MUC5AC: variants seen among roughly 807,000 people sequenced by gnomAD.
MUC5AC encodes mucin-5AC.
Under a neutral mutation model 169.7 loss-of-function variants are expected in MUC5AC, and 158 were observed. The ratio of observed to expected loss-of-function variants is 0.93; its 90% CI spans 0.82 to 1.06. The LOEUF is 1.06. MUC5AC is among the 50% of genes least tolerant of loss of function. The probability of loss-of-function intolerance (pLI) is 0.00; values close to 1 mark genes in which losing one functional copy is unlikely to be tolerated. For missense variants in MUC5AC, 4,359 were observed against 3,089.9 expected, an observed-to-expected ratio of 1.41 and a Z score of -9.74; for synonymous variants, 1,975 against 1,237.0, an observed-to-expected ratio of 1.60 and a Z score of -12.52.
Position 1,187,926 on chromosome 11 carries a change from C to T in MUC5AC, c.9781C>T (p.Arg3261Cys), listed in dbSNP as rs1554928394. ...CATCAGGAGTGGGGAAAAAATCTGC[C>T]GCCGACCTGAGGAGATCACCAGGCT... ...NIIRSGEKIC[R>C]RPEEITRLQC... is the part of the protein sequence containing the mutation. Residue 3261 changes from arginine to cysteine, a missense_variant, in exon 31 of 49, where the codon CGC (arginine) becomes TGC (cysteine). Coordinates refer to ENST00000621226, the MANE Select transcript of MUC5AC (RefSeq NM_001304359.2). The T allele has an allele frequency of 3.8e-5, 29 of 756,348 alleles. No homozygotes were observed. The highest frequency in any genetic ancestry group is 3.7e-4 in the African/African-American group (22 of 58,752). 46.9% of individuals were successfully genotyped at this position (756,348 alleles called of 1,614,324 possible).
At chr11:1,167,698 C>G (rs1342286930) in intron 11 of MUC5AC, among the ~76,000 whole-genome samples, 179 bp from the exon 12 acceptor site, 1 of 152,178 alleles carries the variant, frequency 6.6e-6, no homozygotes, top group Admixed American at 6.5e-5. Context: ...ATGCAGATTT[C>G]TGTGTGTGCC....
intron 40 of MUC5AC, 93 bp from the exon 41 acceptor site, chr11:1,197,375 C>T: frequency 1.5e-6 from 1 of 664,798 alleles, no homozygotes; most frequent in Non-Finnish European, 2.8e-6. Context: ...GGCCTCCACA[C>T]CTGGCTGCCC....
At chr11:1,171,533 CCACT>C (rs1176915768) in intron 15 of MUC5AC, among the ~76,000 whole-genome samples, 1 of 83,358 alleles carries the variant, frequency 1.2e-5, no homozygotes, top group African/African-American at 4.7e-5. Context: ...ACCCACTCAC[CCACT>C]CACTCACCTA....
chr11:1,175,770 TCA>T (rs1860662934), intron 19 of MUC5AC, among the ~76,000 whole-genome samples: 7 of 104,202 alleles, frequency 6.7e-5, no homozygotes, highest in African/African-American at 1.9e-4. Context: ...ATGCACACGC[TCA>T]CACACCCACA....
rs1193859245 is a variant in MUC5AC, at chr11:1,186,138, A to T, written c.7993A>T (p.Thr2665Ser). Reference sequence around the variant, plus strand: ...TGGAACTACTCCCAGCCCTGTTCCTACCACCAGCACAATCTCTGTTCCTAC... The same window carrying T: ...TGGAACTACTCCCAGCCCTGTTCCTTCCACCAGCACAATCTCTGTTCCTAC... ...GPGTTPSPVP[T>S]TSTISVPTTS... is the part of the protein sequence containing the mutation. Residue 2665 changes from threonine (T) to serine (S), a missense_variant, in exon 31 of 49, where the codon ACC becomes TCC. By Grantham distance (58) the Thr-to-Ser change is moderately conservative (BLOSUM62 1). Coordinates refer to ENST00000621226, the MANE Select transcript of MUC5AC (RefSeq NM_001304359.2). 15 of 745,616 alleles carry T rather than the reference A, an allele frequency of 2.0e-5. No individual in the cohort carries two copies. In the Admixed American group the frequency reaches 2.5e-4, roughly 12 times the overall value. The allele number at this position is 745,616 out of a possible 1,614,324, so 46.2% of individuals were successfully genotyped here.
At position 1,188,785 on chromosome 11, in the gene MUC5AC, A is replaced by G. The variant is rs1417083074; in HGVS notation, c.10640A>G (p.Tyr3547Cys). 2.7e-6 allele frequency: 2 copies of G among 754,326 alleles called. No homozygotes were observed. Among genetic ancestry groups the G allele is most frequent in the Admixed American group, 3.4e-5 (2 of 58,232 alleles). 46.7% of individuals were successfully genotyped at this position (754,326 alleles called of 1,614,324 possible). The change falls in exon 31 of 49, where the codon TAC becomes TGC. Residue 3547 changes from tyrosine (Y) to cysteine (C), a missense_variant. Tyr to Cys is a radical substitution (Grantham distance 194, BLOSUM62 -2). Transcript: ENST00000621226. ...PGPHGGDKET[Y>C]NNIIRSGEKI... Reference sequence around the variant, plus strand: ...CCCCACGGTGGGGACAAGGAAACCTACAACAACATCATCAGGAGTGGGGAA... The same window carrying G: ...CCCCACGGTGGGGACAAGGAAACCTGCAACAACATCATCAGGAGTGGGGAA...
chr11:1,168,028 G>A lies in MUC5AC; in HGVS notation c.1497+41G>A, dbSNP rs575964421. 7.9e-5 allele frequency: 119 copies of A among 1,503,252 alleles called. 2 individuals carry two copies. The South Asian group carries it at 1.3e-3, about 16-fold the overall frequency. 93.1% of individuals were successfully genotyped at this position (1,503,252 alleles called of 1,614,324 possible). ...CAGGGCAAACCCCGGGAAGAGGGAAGGGGCCTGTCTCTTCTGCAAGTCACC... is the reference window on the plus strand; with the variant it reads ...CAGGGCAAACCCCGGGAAGAGGGAAAGGGCCTGTCTCTTCTGCAAGTCACC... On this transcript the variant is annotated intron_variant, in intron 12 of 48. Coordinates refer to ENST00000621226, the MANE Select transcript of MUC5AC (RefSeq NM_001304359.2).
At chr11:1,160,817 G>C in intron 2 of MUC5AC, 128 bp downstream of exon 2, 1 of 892,038 alleles carries the variant, frequency 1.1e-6, no homozygotes. Context: ...CCAAACCTGG[G>C]GGGACAGGAG....
rs1298843672 is a variant in MUC5AC, at chr11:1,188,494, C to T, written c.10349C>T (p.Thr3450Ile). The T allele has an allele frequency of 5.7e-6, 4 of 704,554 alleles. No individual in the cohort carries two copies. The highest frequency in any genetic ancestry group is 1.8e-5 in the African/African-American group (1 of 57,048). The allele number at this position is 704,554 out of a possible 1,614,324, so 43.6% of individuals were successfully genotyped here. A position where few individuals can be genotyped will look rare whatever the true frequency, so the allele number is the denominator to read the frequency against. Residue 3450 changes from threonine to isoleucine, a missense_variant, in exon 31 of 49, where the codon ACT becomes ATT. Physicochemically the swap from Thr to Ile is moderately conservative, Grantham distance 89 (BLOSUM62 -1). Transcript: ENST00000621226. ...SSPTTSTTSA[T>I]TTSTTSAPTS... ...CCTACAACCAGCACAACCTCTGCTA[C>T]TACAACCAGCACAACCTCTGCCCCT... is the stretch of plus-strand genomic sequence containing the variant.
chr11:1,178,590 G>A lies in MUC5AC; in HGVS notation c.3234G>A (p.Lys1078=). The change falls in exon 25 of 49, where the codon AAG becomes AAA. Residue 1078 remains lysine (K), a synonymous_variant. Transcript: ENST00000621226. ...SPSCPDALAP[K]DPCTANPFRK... ...CCTGCCCAGATGCCCTGGCGCCCAA[G>A]GACCCCTGCACGGCCAACCCCTTCC... The A allele has an allele frequency of 1.4e-6, 2 of 1,414,772 alleles. No homozygotes were observed. Among genetic ancestry groups the A allele is most frequent in the Non-Finnish European group, 1.9e-6 (2 of 1,070,694 alleles). The allele number at this position is 1,414,772 out of a possible 1,614,324, so 87.6% of individuals were successfully genotyped here.
rs1036198558 is a variant in MUC5AC, at chr11:1,178,334, C to T, written c.3088-110C>T. 1.4e-3 allele frequency: 501 copies of T among 355,526 alleles called. 2 individuals are homozygous for T. Among genetic ancestry groups the T allele is most frequent in the African/African-American group, 9.4e-3 (449 of 47,718 alleles). 22.0% of individuals were successfully genotyped at this position (355,526 alleles called of 1,614,324 possible). On this transcript the variant is annotated intron_variant, in intron 24 of 48. Transcript: ENST00000621226. ...TGTTGGCCACCTGGGTGGGAGGAGG[C>T]GGCCGCAGGGCAGGGTGGCCCTGGG...
intron 40 of MUC5AC, among the ~76,000 whole-genome samples, chr11:1,197,151 G>T (rs1291886205): frequency 6.6e-6 from 1 of 152,178 alleles, no homozygotes; most frequent in Admixed American, 6.5e-5. Context: ...TCCTGGTGTT[G>T]CTCTGTGGGT....
chr11:1,158,109 G>A (rs763915029), intron 1 of MUC5AC, 37 bp downstream of exon 1: 2 of 1,557,124 alleles, frequency 1.3e-6, no homozygotes. Flanking sequence ...CTGGTCCTGG[G>A]TGGTGCGGTA....
At chr11:1,180,623 G>A (rs1282437974) in intron 28 of MUC5AC, 107 bp downstream of exon 28, 9 of 398,170 alleles carry the variant, frequency 2.3e-5, no homozygotes, top group Middle Eastern at 6.3e-4. Context: ...GGACCTCCCC[G>A]TTACTGGAGT....
At chr11:1,162,498 G>A (rs376586625) in intron 4 of MUC5AC, 34 bp from the exon 5 acceptor site, 30 of 1,585,234 alleles carry the variant, frequency 1.9e-5, no homozygotes, top group Admixed American at 5.1e-5. Context: ...TCCTCACTGC[G>A]CTCCCAGCCC....
intron 41 of MUC5AC, 125 bp downstream of exon 41, chr11:1,197,764 C>T (rs1861315422): frequency 9.5e-6 from 6 of 629,688 alleles, no homozygotes; most frequent in Non-Finnish European, 1.7e-5. Flanking sequence ...GCGTCCCCTC[C>T]TCCGCTTCCG....
At position 1,196,112 on chromosome 11, in the gene MUC5AC, C is replaced by G; in HGVS notation, c.15637+58C>G. 4 of 710,548 alleles carry G rather than the reference C, an allele frequency of 5.6e-6. No individual in the cohort carries two copies. The South Asian group carries it at 6.0e-5, about 11-fold the overall frequency. The allele number at this position is 710,548 out of a possible 1,614,324, so 44.0% of individuals were successfully genotyped here. A position where few individuals can be genotyped will look rare whatever the true frequency, so the allele number is the denominator to read the frequency against. ...TCGCTTGTGAGGGGCACAGGCACGCCGGACGGACCAACAGGGTGGGCTCGG... is the reference window on the plus strand; with the variant it reads ...TCGCTTGTGAGGGGCACAGGCACGCGGGACGGACCAACAGGGTGGGCTCGG... On this transcript the variant is annotated intron_variant, in intron 37 of 48. Coordinates refer to ENST00000621226, the MANE Select transcript of MUC5AC (RefSeq NM_001304359.2).
In MUC5AC at chr11:1,196,400, C is replaced by G; in HGVS notation, c.15650C>G (p.Pro5217Arg). 1 of 764,992 alleles carries G rather than the reference C, an allele frequency of 1.3e-6. No homozygotes were observed. The highest frequency in any genetic ancestry group is 2.4e-5 in the East Asian group (1 of 41,242). The allele number at this position is 764,992 out of a possible 1,614,324, so 47.4% of individuals were successfully genotyped here. Reference sequence around the variant, plus strand: ...CCCCTCCCCACAGCATTCACCTGCCCAGCCGACAAGGTGTACCAGCCCTGC... The same window carrying G: ...CCCCTCCCCACAGCATTCACCTGCCGAGCCGACAAGGTGTACCAGCCCTGC... The part of the protein sequence containing the change: ...RTGHMCPFTC[P>R]ADKVYQPCGP... Residue 5217 changes from proline (P) to arginine (R), a missense_variant, in exon 38 of 49, where the codon CCA becomes CGA. Pro to Arg is a moderately radical substitution (Grantham distance 103). Transcript: ENST00000621226.
At position 1,191,211 on chromosome 11, in the gene MUC5AC, G is replaced by C. The variant is rs1376003479; in HGVS notation, c.13066G>C (p.Ala4356Pro). The C allele has an allele frequency of 1.3e-6, 1 of 744,432 alleles. No homozygotes were observed. The highest frequency in any genetic ancestry group is 2.5e-6 in the Non-Finnish European group (1 of 404,886). The allele number at this position is 744,432 out of a possible 1,614,324, so 46.1% of individuals were successfully genotyped here. A position where few individuals can be genotyped will look rare whatever the true frequency, so the allele number is the denominator to read the frequency against. Residue 4356 changes from alanine (A) to proline (P), a missense_variant, in exon 31 of 49, where the codon GCT becomes CCT. Ala to Pro is a conservative substitution (Grantham distance 27). Coordinates refer to ENST00000621226, the MANE Select transcript of MUC5AC (RefSeq NM_001304359.2). ...SPVPTTSTTS[A>P]PTTSTTSAST... ...TGTTCCCACCACCAGCACAACCTCTGCTCCTACAACCAGCACAACCTCTGC... is the reference window on the plus strand; with the variant it reads ...TGTTCCCACCACCAGCACAACCTCTCCTCCTACAACCAGCACAACCTCTGC...
Sources: gnomAD v4.1 joint callset for allele counts (sites outside exome capture counted in the v4.1 genomes callset) on GRCh38, gnomAD v4.1.1 for gene constraint, MANE v1.5 for transcripts, NCBI Gene and HGNC (gene_info 2026-07-23, HGNC 2026-07-21) for gene names.